Variants in FAT4 observed in about 807,000 individuals in gnomAD.
FAT4 encodes protocadherin Fat 4.
A neutral mutation model predicts 303.9 loss-of-function variants in FAT4; 84 were observed. The observed-to-expected ratio is 0.28, with a 90% CI of 0.23 to 0.33. The LOEUF is 0.33. Among genes scored for constraint, FAT4 ranks in the 10% least tolerant of loss-of-function variants. The pLI is 1.00. For synonymous variants in FAT4, 2,307 were observed against 2,298.8 expected (o/e 1.00, Z -0.10); for missense variants, 6,005 against 6,146.8 (o/e 0.98, Z 0.77).
At chr4:125,397,977 G>A (rs1734246141) in intron 2 of FAT4, among the ~76,000 whole-genome samples, 1 of 152,100 alleles carries the variant, frequency 6.6e-6, no homozygotes, top group Non-Finnish European at 1.5e-5. Flanking sequence ...GAAGATTTCA[G>A]TTTTATTAGC....
intron 2 of FAT4, among the ~76,000 whole-genome samples, chr4:125,390,382 G>T (rs1162351098): frequency 6.6e-6 from 1 of 152,120 alleles, no homozygotes; most frequent in East Asian, 1.9e-4. Context: ...AGGAAAGGTG[G>T]AGTTTTCCTT....
In FAT4 at chr4:125,318,889, C is replaced by G; in HGVS notation, c.2478C>G (p.Ile826Met). ...CCACCATGGATCTCAATTCCAACAT[C>G]AGTTATCTCATTACTACTGGGGATC... Reference protein sequence around the residue: ...SASTMDLNSNISYLITTGDQK... With the variant: ...SASTMDLNSNMSYLITTGDQK... Residue 826 changes from isoleucine to methionine, a missense_variant, in exon 2 of 18, where the codon ATC (isoleucine) becomes ATG (methionine). Coordinates refer to ENST00000394329, the MANE Select transcript of FAT4 (RefSeq NM_001291303.3). 6.2e-7 allele frequency: 1 copy of G among 1,614,164 alleles called. No individual in the cohort carries two copies. Among genetic ancestry groups the G allele is most frequent in the Non-Finnish European group, 8.5e-7 (1 of 1,180,026 alleles).
chr4:125,463,632 G>A lies in FAT4; in HGVS notation c.11870G>A (p.Ser3957Asn), dbSNP rs539198714. 3 of 1,599,612 alleles carry A rather than the reference G, an allele frequency of 1.9e-6. No individual in the cohort carries two copies. In the African/African-American group the frequency reaches 4.0e-5, roughly 21 times the overall value. Residue 3957 changes from serine (S) to asparagine (N), a missense_variant, in exon 11 of 18, where the codon AGT becomes AAT. Coordinates refer to ENST00000394329, the MANE Select transcript of FAT4 (RefSeq NM_001291303.3). The stretch of plus-strand genomic sequence containing the variant: ...TGCTTTAATGGTGGTTCCTGCCAAA[G>A]TGGTGTGGATTCTTATTATTGTCAT... ...NPCFNGGSCQ[S>N]GVDSYYCHCP... is the part of the protein sequence containing the mutation.
chr4:125,470,353 TGA>T (rs1423740482), intron 12 of FAT4, among the ~76,000 whole-genome samples: 1 of 152,180 alleles, frequency 6.6e-6, no homozygotes, highest in Non-Finnish European at 1.5e-5. Context: ...TCACCCCTGA[TGA>T]GAGAGTCAGC....
intron 15 of FAT4, among the ~76,000 whole-genome samples, chr4:125,480,907 A>G (rs1462127163): frequency 6.6e-6 from 1 of 152,004 alleles, no homozygotes; most frequent in Non-Finnish European, 1.5e-5. Flanking sequence ...TCATTTTCTT[A>G]ATATTCTTTC....
In FAT4 at chr4:125,450,657, T is replaced by C. The variant is rs1227514121; in HGVS notation, c.9647T>C (p.Ile3216Thr). 2.5e-6 allele frequency: 4 copies of C among 1,614,104 alleles called. No homozygotes were observed. Among genetic ancestry groups the C allele is most frequent in the Non-Finnish European group, 3.4e-6 (4 of 1,179,988 alleles). The change falls in exon 10 of 18, where the codon ATC becomes ACC. Residue 3216 changes from isoleucine (I) to threonine (T), a missense_variant. Coordinates refer to ENST00000394329, the MANE Select transcript of FAT4 (RefSeq NM_001291303.3). The part of the protein sequence containing the change: ...LENAPSGTTV[I>T]HLNATDADSG... ...AATGCCCCAAGTGGAACAACAGTTA[T>C]CCACCTAAATGCAACAGATGCTGAC...
At chr4:125,406,776 TA>T in intron 3 of FAT4, 103 bp from the exon 4 acceptor site, 1 of 1,308,822 alleles carries the variant, frequency 7.6e-7, no homozygotes, top group Non-Finnish European at 1.1e-6. Flanking sequence ...CATATGAACT[TA>T]AAGCCAAAAA....
chr4:125,397,725 A>C (rs1391409870), intron 2 of FAT4, among the ~76,000 whole-genome samples: 1 of 152,104 alleles, frequency 6.6e-6, no homozygotes, highest in Admixed American at 6.6e-5. Context: ...TGACAGTCCT[A>C]CTTACTGCCT....
intron 14 of FAT4, 132 bp from the exon 15 acceptor site, chr4:125,479,609 T>C: frequency 1.2e-6 from 1 of 849,964 alleles, no homozygotes; most frequent in South Asian, 4.8e-5. Flanking sequence ...TTTCTCCAAA[T>C]GTAGTTGTAA....
chr4:125,410,787 C>T (rs1171837832), intron 5 of FAT4, among the ~76,000 whole-genome samples: 1 of 152,074 alleles, frequency 6.6e-6, no homozygotes, highest in Non-Finnish European at 1.5e-5. Flanking sequence ...CACATGTAAG[C>T]ACAGAAATAC....
intron 7 of FAT4, among the ~76,000 whole-genome samples, chr4:125,420,348 G>C (rs1281303166): frequency 6.6e-6 from 1 of 152,090 alleles, no homozygotes; most frequent in Non-Finnish European, 1.5e-5. Flanking sequence ...CAACATAATA[G>C]GTGCTTAATA....
chr4:125,334,040 A>G (rs1320198089), intron 2 of FAT4, among the ~76,000 whole-genome samples: 1 of 152,000 alleles, frequency 6.6e-6, no homozygotes, highest in East Asian at 1.9e-4. Context: ...AATAGGGTTT[A>G]TGTGGCCCAC....
At chr4:125,453,107 A>G (rs1459534896) in intron 10 of FAT4, among the ~76,000 whole-genome samples, 1 of 152,164 alleles carries the variant, frequency 6.6e-6, no homozygotes, top group Non-Finnish European at 1.5e-5. Context: ...CTTTGCTGTA[A>G]TGTCACTATT....
intron 12 of FAT4, among the ~76,000 whole-genome samples, chr4:125,472,930 T>A (rs1726912637): frequency 6.6e-6 from 1 of 152,128 alleles, no homozygotes; most frequent in Non-Finnish European, 1.5e-5. Context: ...ACAGAAGTAT[T>A]GTATGGTTTT....
intron 16 of FAT4, among the ~76,000 whole-genome samples, 161 bp from the exon 17 acceptor site, chr4:125,487,183 TA>T (rs1461598551): frequency 2.6e-5 from 4 of 152,214 alleles, no homozygotes; most frequent in South Asian, 2.1e-4. Context: ...ACATGTTGCC[TA>T]AAATTAGAGA....
intron 5 of FAT4, 53 bp downstream of exon 5, chr4:125,408,847 T>C: frequency 1.1e-6 from 1 of 950,898 alleles, no homozygotes; most frequent in Non-Finnish European, 1.5e-6. Flanking sequence ...TGTCATCAGA[T>C]TTATATTACA....
chr4:125,481,111 T>C (rs1727208879), intron 15 of FAT4, among the ~76,000 whole-genome samples: 1 of 152,170 alleles, frequency 6.6e-6, no homozygotes, highest in Non-Finnish European at 1.5e-5. Flanking sequence ...ATTTATAGCA[T>C]ACTAGAGACT....
At position 125,415,346 on chromosome 4, in the gene FAT4, A is replaced by G. The variant is rs1735004285; in HGVS notation, c.6383A>G (p.Asp2128Gly). ...TATACTCTAACAGTGGTGGCTACAG[A>G]CAAAGGTCAACCATCTCTCTCTTCA... ...SNYTLTVVAT[D>G]KGQPSLSSST... Residue 2128 changes from aspartate to glycine, a missense_variant, in exon 6 of 18, where the codon GAC (aspartate) becomes GGC (glycine). Transcript: ENST00000394329. 1 of 1,613,952 alleles carries G rather than the reference A, an allele frequency of 6.2e-7. No homozygotes were observed. Among genetic ancestry groups the G allele is most frequent in the Admixed American group, 1.7e-5 (1 of 59,984 alleles).
chr4:125,395,852 G>A (rs1182216910), intron 2 of FAT4, among the ~76,000 whole-genome samples: 2 of 151,946 alleles, frequency 1.3e-5, no homozygotes, highest in African/African-American at 4.8e-5. Context: ...CTCTACTAAA[G>A]CAAAAAGAAA....
Sources: allele counts gnomAD v4.1 joint callset (sites outside exome capture counted in the v4.1 genomes callset), GRCh38; gene constraint gnomAD v4.1.1; transcripts MANE v1.5; gene names NCBI Gene and HGNC (gene_info 2026-07-23, HGNC 2026-07-21).